Variants in CDK18 observed in about 807,000 individuals in gnomAD.
CDK18 encodes the protein cyclin dependent kinase 18, also known as cyclin-dependent kinase 18.
CDK18 carries 52 observed loss-of-function variants against 62.0 expected under a neutral mutation model. That is an observed-to-expected ratio of 0.84 (90% CI 0.67 to 1.06). The LOEUF is 1.06. Ranked by LOEUF, CDK18 falls within the 50% of genes least tolerant of loss-of-function variation. CDK18 has a pLI of 0.00. For missense variants in CDK18, 604 were observed against 619.9 expected, an observed-to-expected ratio of 0.97 and a Z score of 0.27; for synonymous variants, 237 against 247.0, an observed-to-expected ratio of 0.96 and a Z score of 0.38.
chr1:205,530,466 C>T (rs560062217), intron 14 of CDK18, 117 bp downstream of exon 14: 20 of 1,251,424 alleles, frequency 1.6e-5, no homozygotes, highest in Middle Eastern at 1.9e-4. Context: ...AGAGCAGCCC[C>T]GGGCACCTTG....
intron 1 of CDK18, among the ~76,000 whole-genome samples, chr1:205,515,321 C>T (rs61061618): frequency 0.023 from 3,482 of 151,898 alleles, 142 homozygotes; most frequent in African/African-American, 0.079. Context: ...AGATTACAGG[C>T]GTGTGCCACC....
In CDK18 at chr1:205,530,339, G is replaced by A; in HGVS notation, c.1302G>A (p.Gln434=). ...GGTCTCTGGGAGAGCGTGTGCACCAGCTTGAAGACAGTGAGTACTGGGGGT... is the reference window on the plus strand; with the variant it reads ...GGTCTCTGGGAGAGCGTGTGCACCAACTTGAAGACAGTGAGTACTGGGGGT... The part of the protein sequence containing the change: ...YFRSLGERVH[Q]LEDTASIFSL... Residue 434 remains glutamine, a synonymous_variant, in exon 14 of 16, where the codon CAG becomes CAA. Transcript: ENST00000429964. The A allele has an allele frequency of 6.2e-7, 1 of 1,612,732 alleles. No individual in the cohort carries two copies. Among genetic ancestry groups the A allele is most frequent in the Non-Finnish European group, 8.5e-7 (1 of 1,180,012 alleles).
chr1:205,529,814 C>CA, intron 13 of CDK18: 1 of 1,397,300 alleles, frequency 7.2e-7, no homozygotes, highest in South Asian at 1.3e-5. Flanking sequence ...CTCCATGCCT[C>CA]AGTTTCCTCA....
At chr1:205,509,736 C>A (rs994272931) in intron 1 of CDK18, among the ~76,000 whole-genome samples, 4 of 151,980 alleles carry the variant, frequency 2.6e-5, no homozygotes, top group Admixed American at 2.0e-4. Context: ...AATCAGGGTC[C>A]CTGCAAACAT....
chr1:205,524,491 G>C (rs1668319095), intron 4 of CDK18, 134 bp downstream of exon 4: 2 of 984,254 alleles, frequency 2.0e-6, no homozygotes, highest in Admixed American at 4.4e-5. Flanking sequence ...CTGCTGGCTT[G>C]AGTGCATTCA....
In CDK18 at chr1:205,527,785, C is replaced by T. The variant is rs371258304; in HGVS notation, c.730-9C>T. On this transcript the variant is annotated splice_polypyrimidine_tract_variant and intron_variant, in intron 8 of 15. Coordinates refer to ENST00000429964, the MANE Select transcript of CDK18 (RefSeq NM_212502.3). This position sits in a 1 kb window ranked among gnomAD's most constrained non-coding sequence, Gnocchi z 4.1. ...CTTCCACCCCACATTTCTCTTCCCC[C>T]TCCCCCAGATTTTCATGTTCCAGCT... 9.9e-6 allele frequency: 16 copies of T among 1,613,496 alleles called. No homozygotes were observed. The highest frequency in any genetic ancestry group is 1.3e-5 in the African/African-American group (1 of 74,928).
Position 205,528,319 on chromosome 1 carries a change from A to C in CDK18, c.974+151A>C. ...CATCCTGCTGAAATGGATGTTAAAA[A>C]ATTAGGTCTGAAATATAATAGGTTA... On this transcript the variant is annotated intron_variant, in intron 10 of 15. Transcript: ENST00000429964. The surrounding 1 kb of genome is among the most constrained non-coding windows in gnomAD (Gnocchi z 4.2). 1 of 961,564 alleles carries C rather than the reference A, an allele frequency of 1.0e-6. No individual in the cohort carries two copies. Among genetic ancestry groups the C allele is most frequent in the Non-Finnish European group, 1.5e-6 (1 of 650,890 alleles). The allele number at this position is 961,564 out of a possible 1,614,324, so 59.6% of individuals were successfully genotyped here.
At chr1:205,526,633 T>G in intron 7 of CDK18, 142 bp from the exon 8 acceptor site, 1 of 958,752 alleles carries the variant, frequency 1.0e-6, no homozygotes, top group Non-Finnish European at 1.7e-6. Flanking sequence ...GAGCTCAGGC[T>G]TACGGGTGGC....
chr1:205,521,107 G>A (rs1012014580), intron 1 of CDK18, among the ~76,000 whole-genome samples: 1 of 152,218 alleles, frequency 6.6e-6, no homozygotes, highest in Admixed American at 6.5e-5. Context: ...CATCAAAGGA[G>A]GCATCACCAG....
intron 1 of CDK18, among the ~76,000 whole-genome samples, chr1:205,510,672 C>G (rs886976627): frequency 1.3e-5 from 2 of 152,254 alleles, no homozygotes; most frequent in Non-Finnish European, 2.9e-5. Flanking sequence ...CAACCCTGCA[C>G]AAAGTCAGAA....
chr1:205,506,031 G>A (rs2102263166), intron 1 of CDK18, among the ~76,000 whole-genome samples: 1 of 152,278 alleles, frequency 6.6e-6, no homozygotes, highest in Admixed American at 6.5e-5. Flanking sequence ...TCCCCACCCG[G>A]GCATGGGCAT....
chr1:205,520,233 A>T (rs1434373187), intron 1 of CDK18, among the ~76,000 whole-genome samples: 1 of 152,134 alleles, frequency 6.6e-6, no homozygotes, highest in Non-Finnish European at 1.5e-5. Context: ...CCTGACCTGG[A>T]CCTTAGATGT....
At chr1:205,518,530 G>A (rs1223442027) in intron 1 of CDK18, among the ~76,000 whole-genome samples, 2 of 152,208 alleles carry the variant, frequency 1.3e-5, no homozygotes, top group Non-Finnish European at 2.9e-5. Context: ...CACAGGGAAG[G>A]GGCAAGGGCG....
chr1:205,525,634 C>T (rs1429918223), intron 5 of CDK18, among the ~76,000 whole-genome samples: 1 of 152,090 alleles, frequency 6.6e-6, no homozygotes, highest in South Asian at 2.1e-4. Flanking sequence ...AGCTTATGTA[C>T]GGCACACAGA....
intron 7 of CDK18, 140 bp from the exon 8 acceptor site, chr1:205,526,635 A>T: frequency 1.0e-6 from 1 of 959,032 alleles, no homozygotes; most frequent in East Asian, 2.4e-5. Flanking sequence ...GCTCAGGCTT[A>T]CGGGTGGCTC....
chr1:205,505,096 C>T (rs1667241477), intron 1 of CDK18, among the ~76,000 whole-genome samples: 1 of 152,080 alleles, frequency 6.6e-6, no homozygotes, highest in Non-Finnish European at 1.5e-5. Context: ...GACCCCGCGC[C>T]CCCTTAGGGA....
chr1:205,527,823 C>T lies in CDK18; in HGVS notation c.759C>T (p.Leu253=), dbSNP rs139419406. ...TCATGTTCCAGCTGCTCCGGGGCCT[C>T]GCCTACTGTCACCACCGCAAGATCC... ...KIFMFQLLRG[L]AYCHHRKILH... is the part of the protein sequence containing the mutation. The change falls in exon 9 of 16, where the codon CTC becomes CTT. Residue 253 remains leucine (L), a synonymous_variant. Coordinates refer to ENST00000429964, the MANE Select transcript of CDK18 (RefSeq NM_212502.3). The surrounding 1 kb of genome is among the most constrained non-coding windows in gnomAD (Gnocchi z 4.1). 6.4e-4 allele frequency: 1,039 copies of T among 1,613,832 alleles called. 2 individuals are homozygous for T. The highest frequency in any genetic ancestry group is 7.6e-4 in the Non-Finnish European group (892 of 1,179,902).
chr1:205,520,415 T>C (rs1668057770), intron 1 of CDK18, among the ~76,000 whole-genome samples: 2 of 152,276 alleles, frequency 1.3e-5, no homozygotes, highest in African/African-American at 2.4e-5. Context: ...TTGAAAATAA[T>C]TGGCTGAGTG....
chr1:205,509,945 T>C (rs1667487331), intron 1 of CDK18, among the ~76,000 whole-genome samples: 1 of 152,038 alleles, frequency 6.6e-6, no homozygotes, highest in African/African-American at 2.4e-5. Flanking sequence ...CCAGGCATGG[T>C]GGCAGGCACC....
Sources: allele counts gnomAD v4.1 joint callset (sites outside exome capture counted in the v4.1 genomes callset), GRCh38; gene constraint gnomAD v4.1.1; non-coding constraint Gnocchi (gnomAD v3.1); transcripts MANE v1.5; gene names NCBI Gene and HGNC (gene_info 2026-07-23, HGNC 2026-07-21).